Variants in SPON2 observed in about 807,000 individuals in gnomAD.
SPON2 encodes the protein spondin-2.
In SPON2, 32 loss-of-function variants were observed where a neutral mutation model predicts 29.9. The observed-to-expected ratio is 1.07, with a 90% CI of 0.81 to 1.44. SPON2 has a LOEUF of 1.44. Ranked by LOEUF, SPON2 falls within the 40% of genes most tolerant of loss-of-function variation. The pLI, the probability that SPON2 is intolerant of heterozygous loss-of-function variation, is 0.00. For synonymous variants in SPON2, 248 were observed against 209.1 expected (o/e 1.19, Z -1.61); for missense variants, 541 against 455.5 (o/e 1.19, Z -1.71).
chr4:1,167,882 G>A (rs944652560), intron 5 of SPON2: 1 of 460,442 alleles, frequency 2.2e-6, no homozygotes, highest in Non-Finnish European at 3.8e-6. Flanking sequence ...CTACGTAAGA[G>A]CCGGAGCTGC....
upstream of SPON2, among the ~76,000 whole-genome samples, chr4:1,177,792 C>A (rs1727632359): frequency 6.6e-6 from 1 of 152,158 alleles, no homozygotes; most frequent in Admixed American, 6.5e-5. Context: ...CCTGGCCCAG[C>A]AGCATGGAGC....
chr4:1,177,176 C>T (rs376967061), upstream of SPON2, among the ~76,000 whole-genome samples: 11 of 152,220 alleles, frequency 7.2e-5, no homozygotes, highest in African/African-American at 2.7e-4. Context: ...TGGCTGCTGC[C>T]TGTCTGCAGC....
intron 1 of SPON2, among the ~76,000 whole-genome samples, chr4:1,204,163 C>T (rs1052297748): frequency 5.3e-5 from 8 of 152,238 alleles, no homozygotes; most frequent in Non-Finnish European, 1.2e-4. Context: ...TGAGCCACTG[C>T]GCCCGGCCTC....
intron 2 of SPON2, among the ~76,000 whole-genome samples, chr4:1,178,845 A>G (rs1727654517): frequency 1.3e-5 from 2 of 152,054 alleles, no homozygotes; most frequent in Admixed American, 6.5e-5. Context: ...CCCACACTGC[A>G]CAGCAGGACG....
intron 5 of SPON2, 127 bp from the exon 6 acceptor site, chr4:1,167,783 G>A (rs1424292499): frequency 3.0e-6 from 3 of 1,012,584 alleles, no homozygotes; most frequent in South Asian, 1.8e-5. Context: ...GGGCACTTGC[G>A]TTTCTCCGCA....
chr4:1,178,118 C>T (rs112825231), upstream of SPON2, among the ~76,000 whole-genome samples: 10 of 147,096 alleles, frequency 6.8e-5, no homozygotes, highest in South Asian at 9.1e-4. Flanking sequence ...GGCCTCCCTC[C>T]GGCCAGACAC....
At chr4:1,198,493 G>A (rs1576998330), upstream of SPON2, among the ~76,000 whole-genome samples, 1 of 152,286 alleles carries the variant, frequency 6.6e-6, no homozygotes, top group African/African-American at 2.4e-5. Context: ...GGAACAAAAA[G>A]AGAAAACCAT....
chr4:1,174,867 G>C (rs927183799), upstream of SPON2, among the ~76,000 whole-genome samples: 12 of 152,210 alleles, frequency 7.9e-5, no homozygotes, highest in Admixed American at 7.2e-4. Flanking sequence ...AGAAAATCCA[G>C]CCTTGGCTGC....
intron 1 of SPON2, among the ~76,000 whole-genome samples, chr4:1,184,448 G>C (rs148264282): frequency 6.6e-6 from 1 of 152,078 alleles, no homozygotes; most frequent in Non-Finnish European, 1.5e-5. Context: ...AACCAAAACC[G>C]AAAGAGAGCA....
chr4:1,167,376 C>T lies in SPON2; in HGVS notation c.*96G>A, dbSNP rs892943650. ...CACCGCGGTCAGGAGCAGCGCGAAA[C>T]CCCCTGTGCCCTCGGCCGCCTGCAG... On this transcript the variant is annotated 3_prime_UTR_variant, in exon 6 of 6. Coordinates refer to ENST00000290902, the MANE Select transcript of SPON2 (RefSeq NM_012445.4). 3 of 1,305,550 alleles carry T rather than the reference C, an allele frequency of 2.3e-6. No homozygotes were observed. The highest frequency in any genetic ancestry group is 3.2e-6 in the Non-Finnish European group (3 of 947,038). 80.9% of individuals were successfully genotyped at this position (1,305,550 alleles called of 1,614,324 possible).
At chr4:1,203,343 T>C (rs556333674) in intron 1 of SPON2, among the ~76,000 whole-genome samples, 1 of 152,308 alleles carries the variant, frequency 6.6e-6, no homozygotes, top group South Asian at 2.1e-4. Flanking sequence ...TTGACATAAA[T>C]GGTCTCATGT....
intron 1 of SPON2, among the ~76,000 whole-genome samples, chr4:1,207,628 A>G (rs1211975016): frequency 1.4e-5 from 2 of 144,500 alleles, no homozygotes; most frequent in Non-Finnish European, 3.1e-5. Flanking sequence ...GCGCTTACAC[A>G]TGCTCCAGAG....
chr4:1,201,343 T>C, intron 1 of SPON2: 1 of 343,914 alleles, frequency 2.9e-6, no homozygotes, highest in South Asian at 2.2e-5. Context: ...CTCGCTTCCC[T>C]GAAGAGGCTG....
upstream of SPON2, among the ~76,000 whole-genome samples, chr4:1,178,183 C>T (rs1392446633): frequency 6.6e-6 from 1 of 150,676 alleles, no homozygotes; most frequent in Non-Finnish European, 1.5e-5. Context: ...ACGGGCTCTG[C>T]ACACACCGAG....
chr4:1,203,897 GTCTC>G (rs1336210972), intron 1 of SPON2, among the ~76,000 whole-genome samples: 4 of 151,902 alleles, frequency 2.6e-5, no homozygotes, highest in African/African-American at 4.8e-5. Context: ...TTGAGTTAGA[GTCTC>G]TCTCTGTCAC....
chr4:1,177,236 C>A (rs980078319), upstream of SPON2, among the ~76,000 whole-genome samples: 1 of 152,234 alleles, frequency 6.6e-6, no homozygotes. Context: ...GGCTGCCCTG[C>A]CACGGCCCCA....
intron 1 of SPON2, among the ~76,000 whole-genome samples, chr4:1,186,165 A>C (rs1242069064): frequency 6.6e-6 from 1 of 150,502 alleles, no homozygotes; most frequent in African/African-American, 2.5e-5. Context: ...AATGGTGTGA[A>C]CCTGGGAGGC....
chr4:1,206,098 C>T (rs1395510242), intron 1 of SPON2, among the ~76,000 whole-genome samples: 1 of 152,176 alleles, frequency 6.6e-6, no homozygotes, highest in Non-Finnish European at 1.5e-5. Context: ...CTGGTCTCCT[C>T]CCCTGGTACT....
At chr4:1,173,973 G>A (rs1038790630), upstream of SPON2, among the ~76,000 whole-genome samples, 2 of 152,174 alleles carry the variant, frequency 1.3e-5, no homozygotes, top group African/African-American at 2.4e-5. Flanking sequence ...GGCCGAGGCG[G>A]GAGGATCACT....
Sources: gnomAD v4.1 joint callset for allele counts (sites outside exome capture counted in the v4.1 genomes callset) on GRCh38, gnomAD v4.1.1 for gene constraint, MANE v1.5 for transcripts, NCBI Gene and HGNC (gene_info 2026-07-23, HGNC 2026-07-21) for gene names.